The following GPC5 variants were observed in gnomAD, a reference collection of about 807,000 sequenced individuals.
The protein encoded by GPC5 is glypican 5.
Under a neutral mutation model 53.9 loss-of-function variants are expected in GPC5, and 47 were observed. The observed-to-expected ratio is 0.87, with a 90% confidence interval of 0.69 to 1.11. The LOEUF is 1.11. Among genes scored for constraint, GPC5 ranks in the 50% most tolerant of loss-of-function variants. The pLI is 0.00. For synonymous variants in GPC5, 286 were observed against 263.3 expected (o/e 1.09, Z -0.84); for missense variants, 748 against 713.1 (o/e 1.05, Z -0.56).
chr13:91,435,791 A>G (rs1879892782), intron 1 of GPC5, among the ~76,000 whole-genome samples: 1 of 152,194 alleles, frequency 6.6e-6, no homozygotes, highest in South Asian at 2.1e-4. Flanking sequence ...CCTCTGATAG[A>G]ATTTGGCTGT....
At chr13:91,927,210 C>T (rs987471813) in intron 6 of GPC5, among the ~76,000 whole-genome samples, 1 of 152,018 alleles carries the variant, frequency 6.6e-6, no homozygotes, top group Admixed American at 6.6e-5. Context: ...TTTGTGCTCA[C>T]CATTTGTATT....
chr13:91,937,668 G>T (rs966609341), intron 6 of GPC5, among the ~76,000 whole-genome samples: 1 of 152,112 alleles, frequency 6.6e-6, no homozygotes, highest in Admixed American at 6.6e-5. Context: ...GGATTTCCAA[G>T]ATTGGATAGA....
intron 6 of GPC5, among the ~76,000 whole-genome samples, chr13:91,953,258 G>A (rs2040043836): frequency 6.6e-6 from 1 of 152,162 alleles, no homozygotes; most frequent in Non-Finnish European, 1.5e-5. Flanking sequence ...TGGACCTGAT[G>A]AATATTTAGA....
At chr13:92,370,977 C>T (rs1476996987) in intron 7 of GPC5, among the ~76,000 whole-genome samples, 2 of 151,928 alleles carry the variant, frequency 1.3e-5, no homozygotes, top group African/African-American at 2.4e-5. Flanking sequence ...GGTGAAACTC[C>T]GTCTCTACTA....
At position 91,485,059 on chromosome 13, in the gene GPC5, C is replaced by G. The variant is rs190958391; in HGVS notation, c.325+36137C>G. Among the ~76,000 whole-genome samples, 153 of 152,292 alleles carry G rather than the reference C, an allele frequency of 1.0e-3. 1 individual carries two copies. Among genetic ancestry groups the G allele is most frequent in the African/African-American group, 3.6e-3 (151 of 41,556 alleles). On this transcript the variant is annotated intron_variant, in intron 2 of 7. Coordinates refer to ENST00000377067, the MANE Select transcript of GPC5 (RefSeq NM_004466.6). ...GCAGAACCCCAGGCCCAGGCCATAC[C>G]CCAGAACTACTGAATCAGAGTTTTC...
At chr13:92,163,319 G>T (rs1004381650) in intron 7 of GPC5, among the ~76,000 whole-genome samples, 1 of 152,022 alleles carries the variant, frequency 6.6e-6, no homozygotes, top group African/African-American at 2.4e-5. Flanking sequence ...ACCTCAGCCA[G>T]GCATGGTGGT....
chr13:91,882,670 G>GTTTTTTTTTTTTTTTTTTTTTTTTTTTT, intron 5 of GPC5, among the ~76,000 whole-genome samples: 1 of 59,322 alleles, frequency 1.7e-5, no homozygotes, highest in African/African-American at 7.1e-5. Context: ...TGTTTTTTGG[G>GTTTTTTTTTTTTTTTTTTTTTTTTTTTT]TTTTTTTTTT....
At chr13:92,128,885 C>T (rs1292652362) in intron 6 of GPC5, among the ~76,000 whole-genome samples, 3 of 152,172 alleles carry the variant, frequency 2.0e-5, no homozygotes, top group Non-Finnish European at 4.4e-5. Context: ...ATTGCTTGAA[C>T]TTGGGAGGCA....
chr13:91,693,877 A>G lies in GPC5; in HGVS notation c.1016A>G (p.Glu339Gly). 6.3e-7 allele frequency: 1 copy of G among 1,587,896 alleles called. No homozygotes were observed. Among genetic ancestry groups the G allele is most frequent in the Non-Finnish European group, 8.6e-7 (1 of 1,167,206 alleles). Residue 339 changes from glutamate to glycine, a missense_variant, in exon 3 of 8, where the codon GAA becomes GGA. Transcript: ENST00000377067. ...QAHLNGQKLL[E>G]QVNRICGRPV... is the part of the protein sequence containing the mutation. ...CACCTCAATGGACAAAAATTATTGGAACAGGTAAGTAGGAGCTCCACATTT... is the reference window on the plus strand; with the variant it reads ...CACCTCAATGGACAAAAATTATTGGGACAGGTAAGTAGGAGCTCCACATTT...
At chr13:91,959,990 T>C (rs943348282) in intron 6 of GPC5, among the ~76,000 whole-genome samples, 1 of 151,972 alleles carries the variant, frequency 6.6e-6, no homozygotes, top group Non-Finnish European at 1.5e-5. Flanking sequence ...TCATACTGAA[T>C]GAGGAAAAGC....
At chr13:92,713,419 C>T (rs1321867538) in intron 7 of GPC5, among the ~76,000 whole-genome samples, 4 of 145,918 alleles carry the variant, frequency 2.7e-5, no homozygotes, top group Admixed American at 6.9e-5. Flanking sequence ...AGTGAAACTC[C>T]GGCTCTACTA....
At chr13:92,060,071 TTAA>T (rs1253837242) in intron 6 of GPC5, 5 of 152,084 alleles carry the variant, frequency 3.3e-5, no homozygotes, top group African/African-American at 1.2e-4. Context: ...CATTACTTTA[TTAA>T]TATTATAAAT....
chr13:92,709,287 G>A (rs1424757026), intron 7 of GPC5, among the ~76,000 whole-genome samples: 1 of 149,072 alleles, frequency 6.7e-6, no homozygotes, highest in Admixed American at 6.7e-5. Flanking sequence ...TTGAACTCCT[G>A]ACCTCAAGTG....
intron 6 of GPC5, among the ~76,000 whole-genome samples, chr13:92,067,130 A>T (rs2041173830): frequency 6.6e-6 from 1 of 152,098 alleles, no homozygotes; most frequent in South Asian, 2.1e-4. Context: ...ACATCCTATA[A>T]AAGCATTGCA....
In GPC5 at chr13:91,398,970, T is replaced by G; in HGVS notation, c.-77T>G. On this transcript the variant is annotated 5_prime_UTR_variant, in exon 1 of 8. Transcript: ENST00000377067. The stretch of plus-strand genomic sequence containing the variant: ...CTCGAGAGCCTCGGCCGCTGTGTCT[T>G]CCACGTCTGCAGCTCAGCCAGGGCG... The G allele has an allele frequency of 1.3e-6, 2 of 1,486,828 alleles. No homozygotes were observed. The highest frequency in any genetic ancestry group is 2.8e-5 in the African/African-American group (2 of 71,716). 92.1% of individuals were successfully genotyped at this position (1,486,828 alleles called of 1,614,324 possible). A position where few individuals can be genotyped will look rare whatever the true frequency, so the allele number is the denominator to read the frequency against.
At chr13:92,403,759 T>A (rs1875666196) in intron 7 of GPC5, among the ~76,000 whole-genome samples, 1 of 152,228 alleles carries the variant, frequency 6.6e-6, no homozygotes, top group African/African-American at 2.4e-5. Flanking sequence ...TTCCTATCAA[T>A]AAACTGCGAA....
chr13:92,140,898 G>C (rs2041825727), intron 6 of GPC5, among the ~76,000 whole-genome samples: 1 of 152,174 alleles, frequency 6.6e-6, no homozygotes, highest in Non-Finnish European at 1.5e-5. Context: ...AAGGGCTACA[G>C]ATAAGGACTT....
At chr13:92,048,219 TATC>T (rs2040999016) in intron 6 of GPC5, among the ~76,000 whole-genome samples, 2 of 152,046 alleles carry the variant, frequency 1.3e-5, no homozygotes, top group Non-Finnish European at 2.9e-5. Flanking sequence ...TTATATGTAA[TATC>T]ATTTTCATAT....
intron 7 of GPC5, among the ~76,000 whole-genome samples, chr13:92,837,566 T>C (rs1594539657): frequency 1.3e-5 from 2 of 152,164 alleles, no homozygotes; most frequent in South Asian, 4.2e-4. Context: ...AATCCAGATG[T>C]CAAATTTTCT....
Sources: allele counts gnomAD v4.1 joint callset (sites outside exome capture counted in the v4.1 genomes callset), GRCh38; gene constraint gnomAD v4.1.1; transcripts MANE v1.5; gene names NCBI Gene and HGNC (gene_info 2026-07-23, HGNC 2026-07-21).